CPED1: variants seen among roughly 807,000 people sequenced by gnomAD.
CPED1 encodes cadherin-like and PC-esterase domain-containing protein 1.
CPED1 carries 114 observed loss-of-function variants against 128.2 expected under a neutral mutation model. The ratio of observed to expected loss-of-function variants is 0.89; its 90% CI spans 0.76 to 1.04. The LOEUF is 1.04. Ranked by LOEUF, CPED1 falls within the 50% of genes least tolerant of loss-of-function variation. The probability of loss-of-function intolerance (pLI) is 0.00; values close to 1 mark genes in which losing one functional copy is unlikely to be tolerated. For missense variants in CPED1, 1,211 were observed against 1,207.1 expected (o/e 1.00, Z -0.05); for synonymous variants, 462 against 426.7 (o/e 1.08, Z -1.02).
intron 16 of CPED1, among the ~76,000 whole-genome samples, chr7:121,172,822 C>T (rs1014777578): frequency 6.6e-5 from 10 of 152,110 alleles, no homozygotes; most frequent in Admixed American, 3.9e-4. Context: ...TGCATATGAT[C>T]GATTGCTCAA....
At chr7:121,133,922 C>T (rs767048591) in intron 13 of CPED1, 29 bp downstream of exon 13, 21 of 1,313,928 alleles carry the variant, frequency 1.6e-5, no homozygotes, top group Non-Finnish European at 2.2e-5. Context: ...CCACTTATTT[C>T]AACATAAAAA....
intron 16 of CPED1, among the ~76,000 whole-genome samples, chr7:121,216,256 G>A (rs1797757215): frequency 7.4e-6 from 1 of 134,258 alleles, no homozygotes; most frequent in Non-Finnish European, 1.7e-5. Flanking sequence ...TGTGTGCGTG[G>A]CTTCCATCTC....
chr7:121,204,820 A>T (rs1457946753), intron 16 of CPED1, among the ~76,000 whole-genome samples: 2 of 152,124 alleles, frequency 1.3e-5, no homozygotes, highest in Non-Finnish European at 2.9e-5. Context: ...ATAATAGAGG[A>T]TTATATAGTC....
At chr7:121,282,201 A>G (rs1373653300) in intron 22 of CPED1, among the ~76,000 whole-genome samples, 1 of 152,170 alleles carries the variant, frequency 6.6e-6, no homozygotes, top group Non-Finnish European at 1.5e-5. Context: ...TAAGGTAACC[A>G]TGGTATACAA....
intron 3 of CPED1, among the ~76,000 whole-genome samples, chr7:121,025,832 A>G (rs1232988257): frequency 6.6e-6 from 1 of 152,122 alleles, no homozygotes; most frequent in African/African-American, 2.4e-5. Flanking sequence ...GTTGAATCCT[A>G]TCTAATTTGT....
At chr7:121,204,092 G>GC (rs1398796766) in intron 16 of CPED1, among the ~76,000 whole-genome samples, 1 of 152,070 alleles carries the variant, frequency 6.6e-6, no homozygotes. Context: ...CAGAACCCTT[G>GC]CAAGAGAACT....
chr7:120,989,016 A>T (rs537533250), intron 1 of CPED1, 104 bp downstream of exon 1: 1 of 152,548 alleles, frequency 6.6e-6, no homozygotes, highest in African/African-American at 2.4e-5. Flanking sequence ...TTTTTATGTT[A>T]AAAGCCGTGA....
intron 14 of CPED1, among the ~76,000 whole-genome samples, chr7:121,140,468 C>T (rs1795875805): frequency 6.6e-6 from 1 of 152,060 alleles, no homozygotes; most frequent in African/African-American, 2.4e-5. Context: ...CCATCACTCC[C>T]ACTTACATAG....
At chr7:121,082,598 C>T (rs191689820) in intron 5 of CPED1, among the ~76,000 whole-genome samples, 1 of 152,256 alleles carries the variant, frequency 6.6e-6, no homozygotes, top group East Asian at 1.9e-4. Context: ...ATATGTCAGA[C>T]ACTATGTCAG....
chr7:121,021,261 A>G (rs1191673086), intron 3 of CPED1, among the ~76,000 whole-genome samples: 3 of 151,928 alleles, frequency 2.0e-5, no homozygotes, highest in Admixed American at 6.6e-5. Flanking sequence ...TATAAAAAGG[A>G]AGATCTATTT....
chr7:121,218,491 T>C (rs754993359), intron 16 of CPED1, among the ~76,000 whole-genome samples: 1 of 152,054 alleles, frequency 6.6e-6, no homozygotes, highest in Non-Finnish European at 1.5e-5. Flanking sequence ...CCATCCATGC[T>C]GAAGTATTTA....
chr7:121,231,587 G>A (rs371453968), intron 16 of CPED1, among the ~76,000 whole-genome samples: 6 of 152,156 alleles, frequency 3.9e-5, no homozygotes, highest in Admixed American at 2.0e-4. Flanking sequence ...GATTTTTGCC[G>A]GCGTCACTGA....
intron 16 of CPED1, among the ~76,000 whole-genome samples, chr7:121,145,493 A>G (rs1796005171): frequency 6.6e-6 from 1 of 152,092 alleles, no homozygotes; most frequent in African/African-American, 2.4e-5. Flanking sequence ...AAATTATCTG[A>G]TAAGCACTAG....
intron 3 of CPED1, among the ~76,000 whole-genome samples, chr7:121,020,137 AAAAC>A (rs1448361528): frequency 5.3e-5 from 8 of 152,078 alleles, no homozygotes; most frequent in African/African-American, 1.9e-4. Flanking sequence ...ATCCATGTGA[AAAAC>A]AAAATGCAAA....
chr7:121,150,219 A>G (rs1454368538), intron 16 of CPED1, among the ~76,000 whole-genome samples: 1 of 147,108 alleles, frequency 6.8e-6, no homozygotes, highest in Non-Finnish European at 1.5e-5. Flanking sequence ...TTTCTCCCCC[A>G]TCTAGTATTG....
chr7:121,103,624 A>G (rs538032952), intron 7 of CPED1, among the ~76,000 whole-genome samples: 4 of 152,226 alleles, frequency 2.6e-5, no homozygotes, highest in African/African-American at 9.6e-5. Flanking sequence ...CCCACGCTAT[A>G]CCAGCATGTT....
At chr7:120,994,660 T>TGTGTGTGTGTGTG (rs60506801) in intron 2 of CPED1, among the ~76,000 whole-genome samples, 1 of 127,338 alleles carries the variant, frequency 7.9e-6, no homozygotes, top group Non-Finnish European at 1.7e-5. Flanking sequence ...TGTGTGTGTG[T>TGTGTGTGTGTGTG]TGTTGTTGTT....
At chr7:121,251,272 A>T (rs1452336142) in intron 18 of CPED1, among the ~76,000 whole-genome samples, 1 of 152,236 alleles carries the variant, frequency 6.6e-6, no homozygotes, top group Non-Finnish European at 1.5e-5. Flanking sequence ...ACAACCCTTC[A>T]TGCTAAAAAC....
At chr7:121,158,311 G>T (rs1294613241) in intron 16 of CPED1, among the ~76,000 whole-genome samples, 1 of 152,202 alleles carries the variant, frequency 6.6e-6, no homozygotes, top group Non-Finnish European at 1.5e-5. Context: ...TAGCTGCACT[G>T]ACTGGGAGTC....
Sources: allele counts gnomAD v4.1 joint callset (sites outside exome capture counted in the v4.1 genomes callset), GRCh38; gene constraint gnomAD v4.1.1; transcripts MANE v1.5; gene names NCBI Gene and HGNC (gene_info 2026-07-23, HGNC 2026-07-21).